The following ULK4 variants were observed in gnomAD, a reference collection of about 807,000 sequenced individuals.
The protein encoded by ULK4 is unc-51 like kinase 4.
ULK4 carries 133 observed loss-of-function variants against 160.6 expected under a neutral mutation model. That is an observed-to-expected ratio of 0.83 (90% CI 0.72 to 0.96). ULK4 has a LOEUF of 0.96. ULK4 is among the 40% of genes least tolerant of loss of function. ULK4 has a pLI of 0.00. For missense variants in ULK4, 1,580 were observed against 1,499.5 expected, an observed-to-expected ratio of 1.05 and a Z score of -0.89; for synonymous variants, 534 against 539.8, an observed-to-expected ratio of 0.99 and a Z score of 0.15.
At chr3:41,709,993 A>G (rs1212737245) in intron 25 of ULK4, among the ~76,000 whole-genome samples, 1 of 152,134 alleles carries the variant, frequency 6.6e-6, no homozygotes, top group African/African-American at 2.4e-5. Context: ...AGATCACAGG[A>G]AAGGACAAGC....
At chr3:41,407,725 A>T (rs1194083457) in intron 34 of ULK4, among the ~76,000 whole-genome samples, 1 of 152,238 alleles carries the variant, frequency 6.6e-6, no homozygotes, top group African/African-American at 2.4e-5. Flanking sequence ...TCAACTGATA[A>T]AGGACATCTA....
At chr3:41,554,655 T>G (rs1459636217) in intron 32 of ULK4, among the ~76,000 whole-genome samples, 1 of 151,962 alleles carries the variant, frequency 6.6e-6, no homozygotes, top group East Asian at 1.9e-4. Flanking sequence ...CACCATATGG[T>G]GCCTACAGTT....
intron 32 of ULK4, among the ~76,000 whole-genome samples, chr3:41,528,658 T>G (rs926884545): frequency 5.3e-5 from 8 of 152,228 alleles, no homozygotes; most frequent in Non-Finnish European, 1.0e-4. Flanking sequence ...AGATATGCTT[T>G]GTAGCACTAT....
chr3:41,831,585 GGTTT>G (rs1057204329), intron 18 of ULK4, among the ~76,000 whole-genome samples: 1 of 149,660 alleles, frequency 6.7e-6, no homozygotes, highest in African/African-American at 2.5e-5. Context: ...AGGACGTGCA[GGTTT>G]GTTACATAGG....
intron 34 of ULK4, among the ~76,000 whole-genome samples, chr3:41,443,838 T>C (rs1425749901): frequency 6.6e-6 from 1 of 152,264 alleles, no homozygotes; most frequent in Admixed American, 6.5e-5. Context: ...ATTTAACTTA[T>C]GTTACAAATA....
chr3:41,392,002 G>C (rs977075858), intron 35 of ULK4, among the ~76,000 whole-genome samples: 2 of 151,990 alleles, frequency 1.3e-5, no homozygotes, highest in African/African-American at 4.8e-5. Flanking sequence ...ATATATTTAA[G>C]CCAATTTTAG....
intron 34 of ULK4, among the ~76,000 whole-genome samples, chr3:41,436,448 T>A (rs1018711042): frequency 2.0e-4 from 30 of 152,188 alleles, no homozygotes; most frequent in African/African-American, 7.0e-4. Context: ...TCATTATCTG[T>A]TACTATATAT....
intron 18 of ULK4, among the ~76,000 whole-genome samples, chr3:41,828,969 C>T (rs951053990): frequency 1.3e-4 from 19 of 151,022 alleles, no homozygotes; most frequent in Non-Finnish European, 2.5e-4. Context: ...TGGAACAGAA[C>T]AGAGCCCTCA....
intron 1 of ULK4, among the ~76,000 whole-genome samples, chr3:41,961,399 T>C (rs970184195): frequency 6.6e-6 from 1 of 152,154 alleles, no homozygotes; most frequent in Non-Finnish European, 1.5e-5. Flanking sequence ...CTGGGGTGAC[T>C]GGGATGCGCT....
intron 32 of ULK4, among the ~76,000 whole-genome samples, chr3:41,547,587 G>A (rs113186986): frequency 2.6e-5 from 4 of 152,244 alleles, no homozygotes; most frequent in Non-Finnish European, 5.9e-5. Flanking sequence ...TGGAGTCCAG[G>A]CAATGGCACC....
chr3:41,368,088 C>T (rs1001813743), intron 35 of ULK4, among the ~76,000 whole-genome samples: 2 of 151,590 alleles, frequency 1.3e-5, no homozygotes, highest in African/African-American at 4.9e-5. Flanking sequence ...CACTCTGTTG[C>T]CCAGACTGGA....
chr3:41,407,747 T>C (rs553331250), intron 34 of ULK4, among the ~76,000 whole-genome samples: 4 of 152,284 alleles, frequency 2.6e-5, no homozygotes, highest in South Asian at 4.1e-4. Flanking sequence ...GAAAAACCTA[T>C]TGCTAACACT....
intron 35 of ULK4, among the ~76,000 whole-genome samples, chr3:41,322,840 ACAAGG>A: frequency 6.6e-6 from 1 of 152,344 alleles, no homozygotes; most frequent in South Asian, 2.1e-4. Flanking sequence ...TATGGTGAGA[ACAAGG>A]CATATTGTAG....
intron 35 of ULK4, among the ~76,000 whole-genome samples, chr3:41,346,985 T>C (rs191449171): frequency 7.2e-4 from 109 of 152,290 alleles, no homozygotes; most frequent in African/African-American, 2.5e-3. Flanking sequence ...ATGGAGTCAT[T>C]ACTCAGGATT....
chr3:41,572,718 A>G (rs916226589), intron 31 of ULK4, among the ~76,000 whole-genome samples: 1 of 151,014 alleles, frequency 6.6e-6, no homozygotes, highest in African/African-American at 2.4e-5. Context: ...ATGGGCCGAG[A>G]TCGCGCCACT....
intron 16 of ULK4, among the ~76,000 whole-genome samples, chr3:41,893,096 T>G (rs1698025305): frequency 6.6e-6 from 1 of 152,120 alleles, no homozygotes; most frequent in African/African-American, 2.4e-5. Context: ...ATAAGCAAAT[T>G]CACAAAGATA....
At chr3:41,401,671 G>T (rs181104165) in intron 34 of ULK4, among the ~76,000 whole-genome samples, 2 of 152,120 alleles carry the variant, frequency 1.3e-5, no homozygotes. Flanking sequence ...GTGTGTGCAT[G>T]GTAACTGTTC....
intron 7 of ULK4, among the ~76,000 whole-genome samples, chr3:41,917,390 G>T (rs192610018): frequency 7.9e-5 from 12 of 152,172 alleles, no homozygotes; most frequent in Admixed American, 1.3e-4. Flanking sequence ...TATAGTCCCG[G>T]CTACTTGGGA....
At chr3:41,906,974 TGAGCAA>T (rs201726839) in intron 12 of ULK4, among the ~76,000 whole-genome samples, 18,840 of 151,976 alleles carry the variant, frequency 0.12, 1,349 homozygotes, top group Middle Eastern at 0.27. Context: ...GCCTGGCGAC[TGAGCAA>T]GACTGTCTCC....
Sources: allele counts gnomAD v4.1 joint callset (sites outside exome capture counted in the v4.1 genomes callset), GRCh38; gene constraint gnomAD v4.1.1; transcripts MANE v1.5; gene names NCBI Gene and HGNC (gene_info 2026-07-23, HGNC 2026-07-21).